RPS6KA2: variants seen among roughly 807,000 people sequenced by gnomAD.
RPS6KA2 encodes ribosomal protein S6 kinase A2.
In RPS6KA2, 42 loss-of-function variants were observed where a neutral mutation model predicts 91.8. The ratio of observed to expected loss-of-function variants is 0.46; its 90% CI spans 0.36 to 0.59. The LOEUF (loss-of-function observed/expected upper bound fraction) is 0.59, where lower values mean the gene tolerates loss of function less well. Among genes scored for constraint, RPS6KA2 ranks in the 20% least tolerant of loss-of-function variants. The pLI is 0.00. For synonymous variants in RPS6KA2, 414 were observed against 393.6 expected (o/e 1.05, Z -0.61); for missense variants, 798 against 978.5 (o/e 0.82, Z 2.46).
chr6:166,602,597 G>A (rs952239245), intron 1 of RPS6KA2, among the ~76,000 whole-genome samples: 6 of 152,182 alleles, frequency 3.9e-5, no homozygotes, highest in Admixed American at 1.3e-4. Flanking sequence ...GGAACAAGAC[G>A]CATTCATGCA....
chr6:166,708,462 C>T (rs1361147864), intron 2 of RPS6KA2, among the ~76,000 whole-genome samples: 1 of 152,216 alleles, frequency 6.6e-6, no homozygotes, highest in African/African-American at 2.4e-5. Context: ...AGCTAAGCCA[C>T]ACCAAAGAAA....
intron 2 of RPS6KA2, among the ~76,000 whole-genome samples, chr6:166,759,824 C>T (rs76794049): frequency 0.57 from 85,947 of 151,668 alleles, 25,009 homozygotes; most frequent in South Asian, 0.69. Context: ...GCAGCCGAGT[C>T]CGTATCCTCG....
intron 1 of RPS6KA2, among the ~76,000 whole-genome samples, chr6:166,619,222 T>G (rs116704460): frequency 1.3e-5 from 2 of 152,256 alleles, no homozygotes; most frequent in Non-Finnish European, 2.9e-5. Context: ...CCCAACCTCA[T>G]GCTGTGTCTC....
chr6:166,646,535 C>A (rs1787606863), intron 2 of RPS6KA2, among the ~76,000 whole-genome samples: 1 of 152,246 alleles, frequency 6.6e-6, no homozygotes, highest in African/African-American at 2.4e-5. Flanking sequence ...AGCGCAAGGG[C>A]CCCGCCAGGA....
At chr6:166,562,547 G>GTCT (rs1784374707) in intron 1 of RPS6KA2, among the ~76,000 whole-genome samples, 1 of 152,174 alleles carries the variant, frequency 6.6e-6, no homozygotes, top group African/African-American at 2.4e-5. Context: ...TAAATAGGTA[G>GTCT]ACTGCCAAGC....
At chr6:166,742,401 G>T (rs1179821925) in intron 2 of RPS6KA2, among the ~76,000 whole-genome samples, 2 of 152,232 alleles carry the variant, frequency 1.3e-5, no homozygotes, top group Non-Finnish European at 2.9e-5. Context: ...GGGTCTCAGA[G>T]TTGTGTCATA....
intron 1 of RPS6KA2, among the ~76,000 whole-genome samples, chr6:166,595,880 A>G (rs952274355): frequency 1.7e-4 from 26 of 152,250 alleles, no homozygotes; most frequent in African/African-American, 6.3e-4. Context: ...GTCCTGAGCC[A>G]AGCAAATCCA....
intron 2 of RPS6KA2, among the ~76,000 whole-genome samples, chr6:166,676,840 C>T (rs998612242): frequency 1.3e-5 from 2 of 152,248 alleles, no homozygotes; most frequent in African/African-American, 4.8e-5. Flanking sequence ...CAATTTACTA[C>T]ACTTCAAAGA....
chr6:166,820,469 GTGAAGGTAGT>G (rs67513512), intron 2 of RPS6KA2, among the ~76,000 whole-genome samples: 94,843 of 151,676 alleles, frequency 0.63, 31,064 homozygotes, highest in Non-Finnish European at 0.74. Flanking sequence ...GAAGCCTTGT[GTGAAGGTAGT>G]TGTCTTGGGA....
At chr6:166,787,072 G>A (rs1400235650) in intron 2 of RPS6KA2, among the ~76,000 whole-genome samples, 1 of 152,030 alleles carries the variant, frequency 6.6e-6, no homozygotes, top group Admixed American at 6.5e-5. Context: ...CCTAAATTAG[G>A]CCTTAAAATA....
At chr6:166,696,319 A>G (rs1789358495) in intron 2 of RPS6KA2, among the ~76,000 whole-genome samples, 1 of 152,232 alleles carries the variant, frequency 6.6e-6, no homozygotes, top group Non-Finnish European at 1.5e-5. Context: ...GGAGATGCTC[A>G]TCGGAAACCT....
intron 2 of RPS6KA2, among the ~76,000 whole-genome samples, chr6:166,807,087 G>A (rs532310675): frequency 6.6e-6 from 1 of 152,104 alleles, no homozygotes; most frequent in Non-Finnish European, 1.5e-5. Context: ...CAGAAAATGA[G>A]AGACAAAACG....
intron 2 of RPS6KA2, among the ~76,000 whole-genome samples, chr6:166,685,272 C>T (rs9366047): frequency 0.057 from 4,991 of 88,174 alleles, 10 homozygotes; most frequent in African/African-American, 0.12. Flanking sequence ...CAGGCAGGAC[C>T]CTGATGGAGT....
intron 2 of RPS6KA2, among the ~76,000 whole-genome samples, chr6:166,691,443 G>A (rs573826460): frequency 8.5e-5 from 13 of 152,090 alleles, no homozygotes; most frequent in African/African-American, 2.9e-4. Flanking sequence ...CCAGGCGCCC[G>A]ACACCTTCCC....
rs532187177 is a variant in RPS6KA2, at chr6:166,509,539, C to A, written c.379+738G>T. 12 of 157,100 alleles carry A rather than the reference C, an allele frequency of 7.6e-5. No individual in the cohort carries two copies. The East Asian group carries it at 2.1e-3, about 28-fold the overall frequency. The allele number at this position is 157,100 out of a possible 1,614,324, so 9.7% of individuals were successfully genotyped here. A position where few individuals can be genotyped will look rare whatever the true frequency, so the allele number is the denominator to read the frequency against. On this transcript the variant is annotated intron_variant, in intron 4 of 20. Transcript: ENST00000265678. The stretch of plus-strand genomic sequence containing the variant: ...ATTCACGCAAATCTCACTAACACCT[C>A]CCCGACACACCACCTTGCCCTTTGC...
rs1191340184 is a variant in RPS6KA2 at position 166,821,901 on chromosome 6, G to A, written c.123+36299C>T. ...CTCCTTCTTCCCCTTCTCAGTTAAC[G>A]GCACACTCAGATGTTCAGGTTCAAC... is the stretch of plus-strand genomic sequence containing the variant. On this transcript the variant is annotated intron_variant, in intron 2 of 21. Coordinates refer to the RPS6KA2 transcript ENST00000503859. This position sits in a 1 kb window ranked among gnomAD's most constrained non-coding sequence, Gnocchi z 4.1. Among the ~76,000 whole-genome samples the A allele has an allele frequency of 1.3e-5, 2 of 151,916 alleles. No individual in the cohort carries two copies. The highest frequency in any genetic ancestry group is 1.9e-4 in the East Asian group (1 of 5,174).
chr6:166,586,627 G>A lies in RPS6KA2; in HGVS notation c.99+40294C>T, dbSNP rs568676909. 660 of 680,268 alleles carry A rather than the reference G, an allele frequency of 9.7e-4. 15 individuals carry two copies. The South Asian group carries it at 0.012, about 12-fold the overall frequency. The allele number at this position is 680,268 out of a possible 1,614,324, so 42.1% of individuals were successfully genotyped here. A position where few individuals can be genotyped will look rare whatever the true frequency, so the allele number is the denominator to read the frequency against. On this transcript the variant is annotated intron_variant, in intron 1 of 20. Transcript: ENST00000265678. The stretch of plus-strand genomic sequence containing the variant: ...GAGGTGGCCTCTGGTCCACTACACC[G>A]TGGAACTCCAGACCACTCCAGTTCT...
intron 2 of RPS6KA2, among the ~76,000 whole-genome samples, chr6:166,778,619 A>G (rs1388888483): frequency 7.2e-5 from 11 of 152,186 alleles, no homozygotes; most frequent in African/African-American, 2.7e-4. Flanking sequence ...TATAAAAATT[A>G]GACGGTTGTG....
intron 2 of RPS6KA2, among the ~76,000 whole-genome samples, chr6:166,819,101 A>G (rs978635743): frequency 6.6e-6 from 1 of 152,124 alleles, no homozygotes; most frequent in African/African-American, 2.4e-5. Context: ...GAAGCCCACA[A>G]CATCATTTGA....
Sources: allele counts gnomAD v4.1 joint callset (sites outside exome capture counted in the v4.1 genomes callset), GRCh38; gene constraint gnomAD v4.1.1; non-coding constraint Gnocchi (gnomAD v3.1); transcripts MANE v1.5; gene names NCBI Gene and HGNC (gene_info 2026-07-23, HGNC 2026-07-21).